MTHFD2L: variants seen among roughly 807,000 people sequenced by gnomAD.
The protein encoded by MTHFD2L is methylenetetrahydrofolate dehydrogenase (NADP+ dependent) 2 like.
MTHFD2L carries 29 observed loss-of-function variants against 34.9 expected under a neutral mutation model. The observed-to-expected ratio is 0.83, with a 90% CI of 0.62 to 1.13. The LOEUF (loss-of-function observed/expected upper bound fraction) is 1.13. Among genes scored for constraint, MTHFD2L ranks in the 50% most tolerant of loss-of-function variants. The probability of loss-of-function intolerance (pLI) is 0.00; values close to 1 mark genes in which losing one functional copy is unlikely to be tolerated. For synonymous variants in MTHFD2L, 167 were observed against 155.7 expected (o/e 1.07, Z -0.54); for missense variants, 481 against 446.5 (o/e 1.08, Z -0.70).
chr4:74,258,558 T>TA (rs761065013), intron 6 of MTHFD2L, among the ~76,000 whole-genome samples: 1 of 152,156 alleles, frequency 6.6e-6, no homozygotes, highest in Non-Finnish European at 1.5e-5. Context: ...TTTTCAGGAC[T>TA]AACTGCAGGA....
chr4:74,175,288 T>C lies in MTHFD2L; in HGVS notation c.336T>C (p.Cys112=). Reference sequence around the variant, plus strand: ...TACCTGTTTTTCTTCTAGGTATTTGTAGTGAGCTCATTCTAAAACCTAAGG... The same window carrying C: ...TACCTGTTTTTCTTCTAGGTATTTGCAGTGAGCTCATTCTAAAACCTAAGG... ...KIRAASAVGI[C]SELILKPKDV... is the part of the protein sequence containing the mutation. Residue 112 remains cysteine (C), a synonymous_variant, in exon 3 of 8, where the codon TGT becomes TGC. Coordinates refer to ENST00000325278, the MANE Select transcript of MTHFD2L (RefSeq NM_001144978.3). 1 of 1,612,428 alleles carries C rather than the reference T, an allele frequency of 6.2e-7. No homozygotes were observed. The highest frequency in any genetic ancestry group is 1.3e-5 in the African/African-American group (1 of 74,950).
chr4:74,261,994 C>T (rs997883660), intron 6 of MTHFD2L, among the ~76,000 whole-genome samples: 2 of 151,804 alleles, frequency 1.3e-5, no homozygotes, highest in Non-Finnish European at 2.9e-5. Context: ...TTTATTCTGT[C>T]TCAAATCATA....
At chr4:74,122,569 C>T (rs753969129), upstream of MTHFD2L, among the ~76,000 whole-genome samples, 3 of 152,106 alleles carry the variant, frequency 2.0e-5, no homozygotes, top group Non-Finnish European at 4.4e-5. Context: ...TATAATAAAA[C>T]GTACTGAGAG....
intron 6 of MTHFD2L, among the ~76,000 whole-genome samples, chr4:74,249,385 G>A (rs943970637): frequency 1.3e-5 from 2 of 152,132 alleles, no homozygotes; most frequent in African/African-American, 4.8e-5. Flanking sequence ...CTCTGCACAT[G>A]AAATGGGTTT....
upstream of MTHFD2L, chr4:74,156,855 G>A (rs143869730): frequency 4.6e-5 from 7 of 151,884 alleles, no homozygotes; most frequent in African/African-American, 7.2e-5. Flanking sequence ...TGCCTTTTTT[G>A]GTGGGTGTTT....
chr4:74,153,460 G>A (rs969206837), upstream of MTHFD2L, among the ~76,000 whole-genome samples: 2 of 152,126 alleles, frequency 1.3e-5, no homozygotes. Context: ...ATAATCATGG[G>A]AGAAAGTTTT....
In MTHFD2L at chr4:74,180,330, A is replaced by G. The variant is rs191539728; in HGVS notation, c.451+4927A>G. Among the ~76,000 whole-genome samples, 36 of 152,278 alleles carry G rather than the reference A, an allele frequency of 2.4e-4. No individual in the cohort carries two copies. In the Middle Eastern group the frequency reaches 0.01, roughly 43 times the overall value. ...CCTATGTATATCTCATAAGACTGTTATAATGAACAAATTAAACAATAAGCA... is the reference window on the plus strand; with the variant it reads ...CCTATGTATATCTCATAAGACTGTTGTAATGAACAAATTAAACAATAAGCA... On this transcript the variant is annotated intron_variant, in intron 3 of 7. Coordinates refer to ENST00000325278, the MANE Select transcript of MTHFD2L (RefSeq NM_001144978.3).
chr4:74,279,101 A>G (rs1398535299), intron 6 of MTHFD2L, among the ~76,000 whole-genome samples: 3 of 152,094 alleles, frequency 2.0e-5, no homozygotes, highest in African/African-American at 7.2e-5. Context: ...ACAAATGACC[A>G]TCACTGTATT....
chr4:74,262,714 G>A (rs572820007), intron 6 of MTHFD2L, among the ~76,000 whole-genome samples: 3 of 152,034 alleles, frequency 2.0e-5, no homozygotes, highest in Admixed American at 2.0e-4. Flanking sequence ...TGAAAAGCTT[G>A]ATGATATCAA....
intron 6 of MTHFD2L, among the ~76,000 whole-genome samples, chr4:74,254,219 C>A (rs952118465): frequency 5.3e-5 from 8 of 152,034 alleles, no homozygotes; most frequent in African/African-American, 1.9e-4. Context: ...ATAAATTAAA[C>A]ATAAATATTG....
intron 3 of MTHFD2L, among the ~76,000 whole-genome samples, chr4:74,184,518 A>G (rs1187348936): frequency 6.6e-6 from 1 of 152,214 alleles, no homozygotes; most frequent in Non-Finnish European, 1.5e-5. Flanking sequence ...TTCAAATTAC[A>G]TGAACCAAAA....
At chr4:74,121,615 T>TATAC (rs1361093673), upstream of MTHFD2L, among the ~76,000 whole-genome samples, 1 of 145,484 alleles carries the variant, frequency 6.9e-6, no homozygotes, top group Non-Finnish European at 1.5e-5. Flanking sequence ...ATTATTTAAT[T>TATAC]ATATATAATT....
At chr4:74,268,226 G>A in intron 6 of MTHFD2L, 1 of 982,120 alleles carries the variant, frequency 1.0e-6, no homozygotes, top group Non-Finnish European at 1.2e-6. Context: ...GATGCATTTA[G>A]CCATTATATT....
chr4:74,127,310 G>A (rs905615861), intron 1 of MTHFD2L, among the ~76,000 whole-genome samples: 3 of 152,084 alleles, frequency 2.0e-5, no homozygotes, highest in African/African-American at 7.2e-5. Flanking sequence ...ACAATAGATT[G>A]ACTTACCCTA....
chr4:74,263,340 A>T (rs1052684766), intron 6 of MTHFD2L, among the ~76,000 whole-genome samples: 1 of 152,036 alleles, frequency 6.6e-6, no homozygotes, highest in Non-Finnish European at 1.5e-5. Flanking sequence ...TATGAATTTT[A>T]CAATTGTTCT....
chr4:74,232,951 G>A lies in MTHFD2L; in HGVS notation c.805+7557G>A, dbSNP rs1192474470. ...GAGTTTTACTGTTATGAATAATGCA[G>A]CAAACAGCTGTAAACATCTTAGATT... On this transcript the variant is annotated intron_variant, in intron 6 of 7. Transcript: ENST00000325278. Among the ~76,000 whole-genome samples, 8 of 152,212 alleles carry A rather than the reference G, an allele frequency of 5.3e-5. No homozygotes were observed. In the East Asian group the frequency reaches 5.8e-4, roughly 11 times the overall value.
rs963250765 is a variant in MTHFD2L, at chr4:74,213,021, C to CT, written c.712+11662dup. The stretch of plus-strand genomic sequence containing the variant: ...TCAGAGACTAGGATTGCAACCCCTG[C>CT]TTTTTTTTTTTGCTTTCCATTTGCT... On this transcript the variant is annotated intron_variant, in intron 5 of 7. Transcript: ENST00000325278. Among the ~76,000 whole-genome samples the CT allele has an allele frequency of 1.6e-3, 232 of 143,942 alleles. 1 individual carries two copies. Among genetic ancestry groups the CT allele is most frequent in the African/African-American group, 3.6e-3 (140 of 39,432 alleles). The allele number at this position is 143,942 out of a possible 152,430, so 94.4% of individuals were successfully genotyped here. A position where few individuals can be genotyped will look rare whatever the true frequency, so the allele number is the denominator to read the frequency against.
At chr4:74,213,541 C>A (rs191281636) in intron 5 of MTHFD2L, among the ~76,000 whole-genome samples, 1 of 152,258 alleles carries the variant, frequency 6.6e-6, no homozygotes, top group East Asian at 1.9e-4. Context: ...TCTCTTCTGG[C>A]CTGTAGTGTT....
chr4:74,262,949 C>G (rs1016242780), intron 6 of MTHFD2L, among the ~76,000 whole-genome samples: 1 of 151,802 alleles, frequency 6.6e-6, no homozygotes, highest in African/African-American at 2.4e-5. Context: ...TAATTGAAAG[C>G]AGCTAAAACA....
Sources: allele counts gnomAD v4.1 joint callset (sites outside exome capture counted in the v4.1 genomes callset), GRCh38; gene constraint gnomAD v4.1.1; transcripts MANE v1.5; gene names NCBI Gene and HGNC (gene_info 2026-07-23, HGNC 2026-07-21).